PPP2R2B: variants seen among roughly 807,000 people sequenced by gnomAD.
PPP2R2B encodes serine/threonine-protein phosphatase 2A 55 kDa regulatory subunit B beta isoform.
Under a neutral mutation model 46.0 loss-of-function variants are expected in PPP2R2B, and 5 were observed. That is an observed-to-expected ratio of 0.11 (90% confidence interval 0.06 to 0.23). The LOEUF (loss-of-function observed/expected upper bound fraction) is 0.23, where lower values mean the gene tolerates loss of function less well. PPP2R2B is among the 10% of genes least tolerant of loss of function. The pLI is 1.00. For missense variants in PPP2R2B, 367 were observed against 575.0 expected, an observed-to-expected ratio of 0.64 and a Z score of 3.70; for synonymous variants, 215 against 206.7, an observed-to-expected ratio of 1.04 and a Z score of -0.34.
chr5:146,951,817 A>C lies in PPP2R2B; in HGVS notation c.79+103848T>G, dbSNP rs187741170. 5.3e-5 allele frequency among the ~76,000 whole-genome samples: 8 copies of C among 152,116 alleles called. 1 individual carries two copies. In the East Asian group the frequency reaches 1.4e-3, roughly 26 times the overall value. ...GCTATTGTGAATAGTGTAGCAATGA[A>C]CCTATGCATACATGTATCTTTATAA... On this transcript the variant is annotated intron_variant, in intron 1 of 8. Coordinates refer to the PPP2R2B transcript ENST00000336640.
chr5:146,691,307 G>C, intron 4 of PPP2R2B, 67 bp from the exon 5 acceptor site: 7 of 1,295,710 alleles, frequency 5.4e-6, no homozygotes, highest in Non-Finnish European at 7.7e-6. Context: ...AGTTTTCCTG[G>C]GGGCAATGGG....
chr5:146,674,875 G>A (rs903585971), intron 5 of PPP2R2B, among the ~76,000 whole-genome samples: 10 of 152,184 alleles, frequency 6.6e-5, no homozygotes, highest in Admixed American at 1.3e-4. Flanking sequence ...TGCTGTACAA[G>A]TTAGTAGTTA....
chr5:146,756,850 C>A (rs1446841605), intron 2 of PPP2R2B, among the ~76,000 whole-genome samples: 1 of 152,198 alleles, frequency 6.6e-6, no homozygotes, highest in Non-Finnish European at 1.5e-5. Context: ...ATCCACCATT[C>A]ATTCAATTAC....
intron 7 of PPP2R2B, among the ~76,000 whole-genome samples, chr5:146,604,055 C>T (rs1350658652): frequency 6.6e-6 from 1 of 152,146 alleles, no homozygotes; most frequent in African/African-American, 2.4e-5. Context: ...AGGCCCTGTA[C>T]CAAATGCTAA....
intron 1 of PPP2R2B, among the ~76,000 whole-genome samples, chr5:147,046,008 C>A (rs933623429): frequency 6.6e-6 from 1 of 152,116 alleles, no homozygotes; most frequent in Non-Finnish European, 1.5e-5. Flanking sequence ...AGATCTTGTC[C>A]TAATGTCATA....
intron 5 of PPP2R2B, among the ~76,000 whole-genome samples, chr5:146,664,580 C>T (rs1197907249): frequency 6.6e-6 from 1 of 151,954 alleles, no homozygotes; most frequent in East Asian, 1.9e-4. Context: ...TCTTGAGCCC[C>T]TCAAAGTCAT....
intron 2 of PPP2R2B, among the ~76,000 whole-genome samples, chr5:146,818,761 T>C (rs966341367): frequency 1.1e-4 from 16 of 152,202 alleles, no homozygotes; most frequent in African/African-American, 3.1e-4. Context: ...AACAGGTTAA[T>C]AGAAAGGATG....
In PPP2R2B at chr5:146,865,293, GACACACACACACAC is replaced by G. The variant is rs36219835; in HGVS notation, c.70+12695_70+12708del. On this transcript the variant is annotated intron_variant, in intron 2 of 9. Coordinates refer to ENST00000394411, the MANE Select transcript of PPP2R2B (RefSeq NM_181675.4). ...TCCATTCATCTCTCTCTTTGTCTCT[GACACACACACACAC>G]ACACACACACACACACACACACTGA... Among the ~76,000 whole-genome samples the G allele has an allele frequency of 4.5e-4, 66 of 146,016 alleles. No individual in the cohort carries two copies. The East Asian group carries it at 0.011, about 23-fold the overall frequency.
At chr5:146,655,593 G>A (rs1232912533) in intron 5 of PPP2R2B, among the ~76,000 whole-genome samples, 2 of 152,232 alleles carry the variant, frequency 1.3e-5, no homozygotes, top group South Asian at 4.1e-4. Context: ...GAGGCAGAAA[G>A]GTGAAGTTGT....
intron 2 of PPP2R2B, among the ~76,000 whole-genome samples, chr5:146,704,123 C>G (rs1333031044): frequency 6.6e-6 from 1 of 152,144 alleles, no homozygotes; most frequent in East Asian, 1.9e-4. Context: ...CTTTACTGCC[C>G]CATCCATCTC....
intron 7 of PPP2R2B, among the ~76,000 whole-genome samples, chr5:146,622,403 C>T (rs555371255): frequency 4.2e-4 from 64 of 152,248 alleles, no homozygotes; most frequent in Middle Eastern, 3.4e-3. Context: ...AGGGTAAATC[C>T]AAGGAGTTAA....
At chr5:146,851,746 C>G (rs1192007544) in intron 2 of PPP2R2B, among the ~76,000 whole-genome samples, 2 of 152,024 alleles carry the variant, frequency 1.3e-5, no homozygotes, top group Non-Finnish European at 1.5e-5. Context: ...CTTTGATGCA[C>G]CCCAAAAGAT....
chr5:146,878,842 G>A, upstream of PPP2R2B: 1 of 1,225,830 alleles, frequency 8.2e-7, no homozygotes, highest in East Asian at 3.8e-5. This position sits in a 1 kb window ranked among gnomAD's most constrained non-coding sequence, Gnocchi z 4.5. Flanking sequence ...CCCAGCAGCA[G>A]TGGTGGCCGA....
chr5:147,053,572 A>AC (rs60404078), intron 1 of PPP2R2B, among the ~76,000 whole-genome samples: 4 of 148,680 alleles, frequency 2.7e-5, no homozygotes, highest in African/African-American at 7.5e-5. Context: ...ACACACACAC[A>AC]ACCTCAGATG....
At chr5:146,719,924 G>A (rs1780703336) in intron 2 of PPP2R2B, among the ~76,000 whole-genome samples, 1 of 152,082 alleles carries the variant, frequency 6.6e-6, no homozygotes, top group Non-Finnish European at 1.5e-5. Flanking sequence ...CTTGAGTGGG[G>A]AAGCAGCTGC....
chr5:146,813,343 G>A (rs1287809741), intron 2 of PPP2R2B, among the ~76,000 whole-genome samples: 1 of 151,964 alleles, frequency 6.6e-6, no homozygotes, highest in Non-Finnish European at 1.5e-5. Context: ...TTTTGAAAAT[G>A]TCACTAAGAA....
chr5:146,773,552 G>T (rs901449100), intron 2 of PPP2R2B, among the ~76,000 whole-genome samples: 3 of 152,168 alleles, frequency 2.0e-5, no homozygotes, highest in African/African-American at 7.2e-5. Context: ...ATGAATTATG[G>T]CCTATCTACA....
At chr5:146,775,049 CATTTAAA>C (rs759388012) in intron 2 of PPP2R2B, among the ~76,000 whole-genome samples, 7 of 152,104 alleles carry the variant, frequency 4.6e-5, no homozygotes, top group Non-Finnish European at 1.0e-4. Context: ...GAATTCTAAA[CATTTAAA>C]GAAGAATTAA....
chr5:147,068,119 AATG>A, intron 2 of PPP2R2B, among the ~76,000 whole-genome samples: 1 of 152,284 alleles, frequency 6.6e-6, no homozygotes, highest in Middle Eastern at 3.4e-3. Context: ...CGGGTGGTAG[AATG>A]ATGAGTCATT....
Sources: gnomAD v4.1 joint callset for allele counts (sites outside exome capture counted in the v4.1 genomes callset) on GRCh38, gnomAD v4.1.1 for gene constraint, Gnocchi (gnomAD v3.1) non-coding constraint, MANE v1.5 for transcripts, NCBI Gene and HGNC (gene_info 2026-07-23, HGNC 2026-07-21) for gene names.